SETD5: variants seen among roughly 807,000 people sequenced by gnomAD.
SETD5 encodes the protein SET domain containing 5, also known as histone-lysine N-methyltransferase SETD5.
SETD5 carries 44 observed loss-of-function variants against 153.3 expected under a neutral mutation model. The observed-to-expected ratio is 0.29, with a 90% CI of 0.23 to 0.37. SETD5 has a LOEUF of 0.37. Among genes scored for constraint, SETD5 ranks in the 10% least tolerant of loss-of-function variants. SETD5 has a pLI of 1.00. For missense variants in SETD5, 1,544 were observed against 1,768.0 expected (o/e 0.87, Z 2.27); for synonymous variants, 716 against 645.2 (o/e 1.11, Z -1.66).
At chr3:9,418,114 T>G (rs1266705147) in intron 1 of SETD5, among the ~76,000 whole-genome samples, 4 of 151,076 alleles carry the variant, frequency 2.6e-5, no homozygotes, top group African/African-American at 7.3e-5. Flanking sequence ...CTAATTTTTT[T>G]TTTTTTTGTA....
intron 1 of SETD5, among the ~76,000 whole-genome samples, chr3:9,404,811 A>G (rs116869439): frequency 6.6e-6 from 1 of 152,194 alleles, no homozygotes; most frequent in Non-Finnish European, 1.5e-5. Context: ...TTTGATTCCA[A>G]AGGTTTTGAT....
chr3:9,420,169 C>T (rs376041775), intron 1 of SETD5, among the ~76,000 whole-genome samples: 13 of 152,192 alleles, frequency 8.5e-5, no homozygotes, highest in African/African-American at 3.1e-4. Context: ...ACCTTTTTAT[C>T]ATTGTTAAAT....
chr3:9,410,701 A>C (rs1015298077), intron 1 of SETD5, among the ~76,000 whole-genome samples: 4 of 152,096 alleles, frequency 2.6e-5, no homozygotes, highest in African/African-American at 4.8e-5. Flanking sequence ...TTAGCAGAAG[A>C]AGCATTTAGG....
chr3:9,431,705 T>C, intron 3 of SETD5: 1 of 985,842 alleles, frequency 1.0e-6, no homozygotes, highest in Non-Finnish European at 1.2e-6. Context: ...TTTTATTCCC[T>C]AGACTTGCAC....
chr3:9,446,221 A>C (rs1296102357), intron 13 of SETD5, among the ~76,000 whole-genome samples: 2 of 136,876 alleles, frequency 1.5e-5, no homozygotes, highest in Non-Finnish European at 3.0e-5. Flanking sequence ...TGGGAGGCAG[A>C]GCTTGCAGTG....
rs1271940674 is a variant in SETD5, at chr3:9,428,817, T to C, written c.-116-6T>C. ...TTTTACTAGATATTTTCCTTTTCTGTTACAGGATTCCTCATGTCCATAACA... is the reference window on the plus strand; with the variant it reads ...TTTTACTAGATATTTTCCTTTTCTGCTACAGGATTCCTCATGTCCATAACA... On this transcript the variant is annotated splice_region_variant and splice_polypyrimidine_tract_variant and intron_variant, in intron 2 of 22. Transcript: ENST00000402198. 4 of 508,562 alleles carry C rather than the reference T, an allele frequency of 7.9e-6. No homozygotes were observed. Among genetic ancestry groups the C allele is most frequent in the Non-Finnish European group, 1.4e-5 (4 of 282,566 alleles). 31.5% of individuals were successfully genotyped at this position (508,562 alleles called of 1,614,324 possible).
chr3:9,423,122 T>C (rs2038659477), intron 1 of SETD5: 1 of 152,254 alleles, frequency 6.6e-6, no homozygotes, highest in Admixed American at 6.5e-5. Flanking sequence ...ATAAAACACT[T>C]TTTGTTTGTC....
At chr3:9,430,989 A>C (rs2039895745) in intron 3 of SETD5, 3 of 985,454 alleles carry the variant, frequency 3.0e-6, no homozygotes, top group East Asian at 1.1e-4. Context: ...AACTAGCTAC[A>C]TACCATTCTG....
chr3:9,412,392 T>G (rs920746950), intron 1 of SETD5, among the ~76,000 whole-genome samples: 3 of 135,352 alleles, frequency 2.2e-5, no homozygotes, highest in South Asian at 5.0e-4. Context: ...TTTGGGTTTT[T>G]TTTTTTTTTT....
chr3:9,445,467 A>G, intron 12 of SETD5, 167 bp downstream of exon 12: 1 of 951,150 alleles, frequency 1.1e-6, no homozygotes, highest in East Asian at 2.6e-5. Flanking sequence ...TACAAAGTCA[A>G]AAACATCCTT....
intron 1 of SETD5, among the ~76,000 whole-genome samples, chr3:9,420,020 A>G (rs1404235620): frequency 2.6e-5 from 4 of 152,312 alleles, no homozygotes; most frequent in Non-Finnish European, 4.4e-5. Context: ...TGTTGAGAGT[A>G]TAACTCTTTA....
intron 16 of SETD5, among the ~76,000 whole-genome samples, chr3:9,452,340 T>G (rs2125334017): frequency 6.6e-6 from 1 of 152,352 alleles, no homozygotes; most frequent in East Asian, 1.9e-4. Flanking sequence ...GCCTAATTTT[T>G]CCATTTATAA....
intron 7 of SETD5, among the ~76,000 whole-genome samples, chr3:9,438,495 G>T (rs368479184): frequency 6.6e-6 from 1 of 152,042 alleles, no homozygotes; most frequent in Non-Finnish European, 1.5e-5. Flanking sequence ...GTTTTGGGAG[G>T]TTGACAGCCT....
chr3:9,400,628 TTAGA>T (rs1219596233), intron 1 of SETD5, among the ~76,000 whole-genome samples: 11 of 152,232 alleles, frequency 7.2e-5, no homozygotes, highest in African/African-American at 2.7e-4. Context: ...CTTCTCCAGA[TTAGA>T]TATTTTCTTT....
intron 1 of SETD5, among the ~76,000 whole-genome samples, chr3:9,400,282 G>A (rs773154067): frequency 2.6e-5 from 4 of 152,068 alleles, no homozygotes; most frequent in Non-Finnish European, 4.4e-5. Context: ...AGACATTTGT[G>A]CTTGGATAGG....
chr3:9,441,792 C>T, intron 9 of SETD5, 51 bp downstream of exon 9: 1 of 1,608,660 alleles, frequency 6.2e-7, no homozygotes, highest in Non-Finnish European at 8.5e-7. Flanking sequence ...CCTGGTTGAC[C>T]AGTGTTGTTG....
chr3:9,445,843 C>T, intron 13 of SETD5, 103 bp downstream of exon 13: 1 of 694,490 alleles, frequency 1.4e-6, no homozygotes, highest in Non-Finnish European at 2.2e-6. Context: ...TTGATTTGAC[C>T]TGAAGGTTAT....
rs118137382 is a variant in SETD5, at chr3:9,434,011, T to C, written c.177+61T>C. The C allele has an allele frequency of 3.3e-4, 530 of 1,613,132 alleles. 3 individuals carry two copies. In the East Asian group the frequency reaches 6.7e-3, roughly 20 times the overall value. On this transcript the variant is annotated intron_variant, in intron 4 of 22. Coordinates refer to ENST00000402198, the MANE Select transcript of SETD5 (RefSeq NM_001080517.3). This position sits in a 1 kb window ranked among gnomAD's most constrained non-coding sequence, Gnocchi z 5.6. ...CTTCCTGGAGTGTAATCCATTCTTA[T>C]ACATTGTGACTTTCTTGAAATGTTT...
intron 1 of SETD5, among the ~76,000 whole-genome samples, chr3:9,406,471 G>A (rs955884972): frequency 7.9e-5 from 12 of 152,168 alleles, no homozygotes; most frequent in East Asian, 3.9e-4. Flanking sequence ...GGCCGGGCGC[G>A]GTGGCTCACG....
Sources: gnomAD v4.1 joint callset for allele counts (sites outside exome capture counted in the v4.1 genomes callset) on GRCh38, gnomAD v4.1.1 for gene constraint, Gnocchi (gnomAD v3.1) non-coding constraint, MANE v1.5 for transcripts, NCBI Gene and HGNC (gene_info 2026-07-23, HGNC 2026-07-21) for gene names.